The following ACOT9 variants were observed in gnomAD, a reference collection of about 807,000 sequenced individuals.
ACOT9 encodes acyl-CoA thioesterase 9.
Under a neutral mutation model 39.7 loss-of-function variants are expected in ACOT9, and 34 were observed. The ratio of observed to expected loss-of-function variants is 0.86; its 90% CI spans 0.65 to 1.14. The LOEUF is 1.14. Among genes scored for constraint, ACOT9 ranks in the 50% most tolerant of loss-of-function variants. ACOT9 has a pLI of 0.00. For synonymous variants in ACOT9, 110 were observed against 120.5 expected (o/e 0.91, Z 0.57); for missense variants, 313 against 344.1 (o/e 0.91, Z 0.71).
At chrX:23,734,631 C>T (rs1230138284) in intron 2 of ACOT9, among the ~76,000 whole-genome samples, 4 of 111,631 alleles carry the variant, frequency 3.6e-5, no homozygotes, top group Admixed American at 9.6e-5. Flanking sequence ...TTTGGATACA[C>T]CATAAATTTG....
At chrX:23,722,841 C>T in intron 6 of ACOT9, 88 bp from the exon 7 acceptor site, 1 of 562,525 alleles carries the variant, frequency 1.8e-6, no homozygotes, top group Non-Finnish European at 2.9e-6. Context: ...CCATGAAAAG[C>T]CTTGTCTCGC....
Position 23,721,993 on chromosome X carries a change from CAG to C in ACOT9, c.485-11_485-10del. ...GCTCTTCTTACACATATCTGCAAAACAGAAGTCAATCAGGGTCCAAGTCATAC... is the reference window on the plus strand; with the variant it reads ...GCTCTTCTTACACATATCTGCAAAACAAGTCAATCAGGGTCCAAGTCATAC... On this transcript the variant is annotated splice_polypyrimidine_tract_variant and intron_variant, in intron 7 of 15. Coordinates refer to ENST00000379303, the MANE Select transcript of ACOT9 (RefSeq NM_001037171.2). The C allele has an allele frequency of 1.7e-6, 2 of 1,183,172 alleles. No individual in the cohort carries two copies. The highest frequency in any genetic ancestry group is 3.5e-5 in the African/African-American group (2 of 57,149).
chrX:23,721,569 A>G lies in ACOT9; in HGVS notation c.588+312T>C, dbSNP rs964504750. On this transcript the variant is annotated intron_variant, in intron 8 of 15. Coordinates refer to ENST00000379303, the MANE Select transcript of ACOT9 (RefSeq NM_001037171.2). ...GTCCTGGGAAATGAATACAGTAATC[A>G]ATTCCATTCACTCCTACCATAACAC... 2.7e-5 allele frequency among the ~76,000 whole-genome samples: 3 copies of G among 112,157 alleles called. No homozygotes were observed. In the East Asian group the frequency reaches 8.3e-4, roughly 31 times the overall value.
rs5925887 is a variant in ACOT9, at chrX:23,729,361, A to C, written c.400+1166T>G. ...ATGTCAAAGTCACGAAAGTCAAAGA[A>C]AGATTAAGGAACTAGTCCTGACATG... On this transcript the variant is annotated intron_variant, in intron 6 of 15. Coordinates refer to ENST00000379303, the MANE Select transcript of ACOT9 (RefSeq NM_001037171.2). Among the ~76,000 whole-genome samples, 828 of 110,566 alleles carry C rather than the reference A, an allele frequency of 7.5e-3. 11 individuals are homozygous for C. The highest frequency in any genetic ancestry group is 0.026 in the African/African-American group (796 of 30,475).
chrX:23,738,969 A>AAAG (rs10665868), intron 1 of ACOT9, among the ~76,000 whole-genome samples: 5 of 111,009 alleles, frequency 4.5e-5, no homozygotes, highest in African/African-American at 1.6e-4. Context: ...ATAGGGGTTA[A>AAAG]CCCAAAGGCT....
intron 1 of ACOT9, 47 bp from the exon 2 acceptor site, chrX:23,736,063 T>C (rs1479350673): frequency 9.2e-7 from 1 of 1,090,670 alleles, no homozygotes; most frequent in Admixed American, 2.3e-5. Flanking sequence ...GCTTCTTCCC[T>C]GGCAACCCTA....
At chrX:23,707,719 G>A (rs1928746050) in intron 10 of ACOT9, 158 bp downstream of exon 10, 1 of 372,329 alleles carries the variant, frequency 2.7e-6, no homozygotes, top group Non-Finnish European at 4.5e-6. Flanking sequence ...CCTGGCAAGA[G>A]ACAGAGAGAC....
chrX:23,732,773 G>C (rs1299110699), intron 4 of ACOT9, among the ~76,000 whole-genome samples: 1 of 111,323 alleles, frequency 9.0e-6, no homozygotes, highest in Non-Finnish European at 1.9e-5. Context: ...AAGGAGTCAA[G>C]TTGCATGAAA....
intron 9 of ACOT9, among the ~76,000 whole-genome samples, chrX:23,708,203 G>A (rs1412238140): frequency 8.9e-6 from 1 of 112,490 alleles, no homozygotes; most frequent in Non-Finnish European, 1.9e-5. Context: ...TGAGGAAACA[G>A]TCAAATATAG....
rs750705347 is a variant in ACOT9 at position 23,711,957 on chromosome X, A to AAAAC, written c.662+1174_662+1177dup. Among the ~76,000 whole-genome samples, 27 of 112,291 alleles carry AAAAC rather than the reference A, an allele frequency of 2.4e-4. No individual in the cohort carries two copies. The East Asian group carries it at 7.5e-3, about 31-fold the overall frequency. On this transcript the variant is annotated intron_variant, in intron 9 of 15. Coordinates refer to ENST00000379303, the MANE Select transcript of ACOT9 (RefSeq NM_001037171.2). ...ACTAGGGATAGAGAAACAAGATCAAAAAACAAACAAACAAACCACCATGAG... is the reference window on the plus strand; with the variant it reads ...ACTAGGGATAGAGAAACAAGATCAAAAAACAAACAAACAAACAAACCACCATGAG...
At chrX:23,732,084 C>G (rs1270638343) in intron 4 of ACOT9, among the ~76,000 whole-genome samples, 3 of 111,847 alleles carry the variant, frequency 2.7e-5, no homozygotes. Context: ...TCCTTAAAGT[C>G]AAGCTCATGG....
chrX:23,743,146 G>A lies in ACOT9; in HGVS notation c.-2C>T, dbSNP rs1920999772. 1.7e-6 allele frequency: 2 copies of A among 1,158,408 alleles called. No individual in the cohort carries two copies. Among genetic ancestry groups the A allele is most frequent in the Non-Finnish European group, 2.3e-6 (2 of 867,921 alleles). On this transcript the variant is annotated 5_prime_UTR_variant, in exon 1 of 16. Coordinates refer to ENST00000379303, the MANE Select transcript of ACOT9 (RefSeq NM_001037171.2). ...CTACCGCAGTGCTGCCCGCCTCATT[G>A]CGCTAGGCTGCCGTGCGCGCGATGG...
chrX:23,728,754 T>C (rs1210868807), intron 6 of ACOT9, among the ~76,000 whole-genome samples: 1 of 111,738 alleles, frequency 8.9e-6, no homozygotes, highest in Non-Finnish European at 1.9e-5. Flanking sequence ...CTTCAAAATA[T>C]CATTCTCCAT....
At chrX:23,720,864 T>C (rs1224243502) in intron 8 of ACOT9, among the ~76,000 whole-genome samples, 1 of 111,018 alleles carries the variant, frequency 9.0e-6, no homozygotes, top group Non-Finnish European at 1.9e-5. Flanking sequence ...TGGGGTCATA[T>C]TTACATAAAA....
chrX:23,742,827 AT>A (rs1920991728), intron 1 of ACOT9, among the ~76,000 whole-genome samples: 1 of 112,640 alleles, frequency 8.9e-6, no homozygotes, highest in Non-Finnish European at 1.9e-5. Context: ...CACACCCCGG[AT>A]GAGCAAGGCC....
intron 9 of ACOT9, among the ~76,000 whole-genome samples, chrX:23,709,760 A>C (rs1928828815): frequency 9.0e-6 from 1 of 111,565 alleles, no homozygotes; most frequent in South Asian, 3.7e-4. Context: ...CTCTACCCCC[A>C]CAATTAGTTT....
chrX:23,726,669 C>CT (rs202115217), intron 6 of ACOT9, among the ~76,000 whole-genome samples: 37 of 96,791 alleles, frequency 3.8e-4, no homozygotes, highest in Admixed American at 4.5e-4. Flanking sequence ...TTTTACTTAT[C>CT]TTTTTTTTTT....
chrX:23,727,981 A>G (rs138394716), intron 6 of ACOT9, among the ~76,000 whole-genome samples: 1,543 of 101,347 alleles, frequency 0.015, 29 homozygotes, highest in African/African-American at 0.053. Flanking sequence ...CCGGGCAACA[A>G]GAGTGAGACT....
At chrX:23,724,471 CA>C (rs1358808153) in intron 6 of ACOT9, among the ~76,000 whole-genome samples, 1 of 108,943 alleles carries the variant, frequency 9.2e-6, no homozygotes, top group African/African-American at 3.3e-5. Context: ...CCTGTCTCTA[CA>C]AAAAACTTTA....
Sources: gnomAD v4.1 joint callset for allele counts (sites outside exome capture counted in the v4.1 genomes callset) on GRCh38, gnomAD v4.1.1 for gene constraint, MANE v1.5 for transcripts, NCBI Gene and HGNC (gene_info 2026-07-23, HGNC 2026-07-21) for gene names.